DPYD: variants seen among roughly 807,000 people sequenced by gnomAD.
DPYD encodes dihydropyrimidine dehydrogenase.
A neutral mutation model predicts 116.2 loss-of-function variants in DPYD; 109 were observed. The ratio of observed to expected loss-of-function variants is 0.94; its 90% confidence interval spans 0.80 to 1.10. DPYD has a LOEUF of 1.10. Among genes scored for constraint, DPYD ranks in the 50% least tolerant of loss-of-function variants. The probability of loss-of-function intolerance (pLI) is 0.00; values close to 1 mark genes in which losing one functional copy is unlikely to be tolerated. For synonymous variants in DPYD, 440 were observed against 432.0 expected (o/e 1.02, Z -0.23); for missense variants, 1,302 against 1,254.5 (o/e 1.04, Z -0.57).
chr1:97,875,152 T>C (rs1011478090), intron 2 of DPYD, among the ~76,000 whole-genome samples: 2 of 151,956 alleles, frequency 1.3e-5, no homozygotes, highest in Middle Eastern at 3.2e-3. Flanking sequence ...GATAATAGCA[T>C]TTTTAGTGTC....
At chr1:97,811,847 T>C (rs1157838609) in intron 3 of DPYD, among the ~76,000 whole-genome samples, 6 of 151,730 alleles carry the variant, frequency 4.0e-5, no homozygotes, top group East Asian at 2.0e-4. Flanking sequence ...TAATTATCAA[T>C]CACAGATAAA....
chr1:97,669,471 C>T (rs972781123), intron 8 of DPYD, among the ~76,000 whole-genome samples: 2 of 152,064 alleles, frequency 1.3e-5, no homozygotes, highest in African/African-American at 4.8e-5. Flanking sequence ...CTGTTTTGGA[C>T]ACCTCTTAAG....
intron 13 of DPYD, among the ~76,000 whole-genome samples, chr1:97,458,300 T>C (rs1046741475): frequency 6.6e-6 from 1 of 152,158 alleles, no homozygotes; most frequent in African/African-American, 2.4e-5. Context: ...TAAAGGAGTA[T>C]CTAAAAGAGT....
chr1:97,751,460 G>GTATGTGTATATATATATATATATATATA (rs1553233232), intron 3 of DPYD, among the ~76,000 whole-genome samples: 1 of 21,274 alleles, frequency 4.7e-5, no homozygotes, highest in Non-Finnish European at 8.1e-5. Flanking sequence ...GTGTGTGTGT[G>GTATGTGTATATATATATATATATATATA]TATATATATA....
intron 2 of DPYD, among the ~76,000 whole-genome samples, chr1:97,848,021 G>A (rs1670389165): frequency 6.6e-6 from 1 of 152,152 alleles, no homozygotes; most frequent in Non-Finnish European, 1.5e-5. Flanking sequence ...AAACTAAGGT[G>A]AAAATATAGC....
At chr1:97,885,875 T>C (rs1365096655) in intron 1 of DPYD, among the ~76,000 whole-genome samples, 1 of 152,078 alleles carries the variant, frequency 6.6e-6, no homozygotes, top group Non-Finnish European at 1.5e-5. Flanking sequence ...GTTTAAATAA[T>C]ATCAATTTGC....
intron 14 of DPYD, among the ~76,000 whole-genome samples, chr1:97,435,380 C>T (rs1264377278): frequency 6.6e-6 from 1 of 151,766 alleles, no homozygotes; most frequent in Non-Finnish European, 1.5e-5. Context: ...AAGACATATC[C>T]CACATAGTAA....
intron 11 of DPYD, among the ~76,000 whole-genome samples, chr1:97,567,144 G>C (rs945186549): frequency 3.9e-5 from 6 of 152,070 alleles, no homozygotes; most frequent in African/African-American, 1.4e-4. Flanking sequence ...CTAGTTCTGA[G>C]TTAGGCCAGA....
chr1:97,592,286 G>C (rs1654576223), intron 10 of DPYD, among the ~76,000 whole-genome samples: 1 of 152,146 alleles, frequency 6.6e-6, no homozygotes, highest in Non-Finnish European at 1.5e-5. Flanking sequence ...TTTGAGAAGT[G>C]TGTAGTACAT....
At chr1:97,161,840 C>T (rs11165795) in intron 20 of DPYD, among the ~76,000 whole-genome samples, 26,523 of 149,360 alleles carry the variant, frequency 0.18, 2,385 homozygotes, top group East Asian at 0.29. Context: ...TTTGTCCTTG[C>T]GATAGTTTAC....
intron 3 of DPYD, among the ~76,000 whole-genome samples, chr1:97,781,041 G>A (rs1192445388): frequency 6.6e-6 from 1 of 152,022 alleles, no homozygotes; most frequent in Non-Finnish European, 1.5e-5. Flanking sequence ...ACAGTTAATG[G>A]GGCAATCTGC....
intron 8 of DPYD, among the ~76,000 whole-genome samples, chr1:97,606,366 C>T (rs1016653048): frequency 1.3e-5 from 2 of 151,908 alleles, no homozygotes; most frequent in African/African-American, 4.8e-5. Flanking sequence ...TAGAATAGAG[C>T]AAGACACCTG....
At chr1:97,450,572 TTCTG>T (rs1341095903) in intron 13 of DPYD, among the ~76,000 whole-genome samples, 2 of 151,912 alleles carry the variant, frequency 1.3e-5, no homozygotes, top group Non-Finnish European at 2.9e-5. Flanking sequence ...AGTTTATCAT[TTCTG>T]TCTATTTAAT....
At chr1:97,543,594 T>C (rs547321886) in intron 12 of DPYD, among the ~76,000 whole-genome samples, 17 of 152,272 alleles carry the variant, frequency 1.1e-4, no homozygotes, top group African/African-American at 4.1e-4. Flanking sequence ...TAAGACAAAA[T>C]GTCATAAGCC....
chr1:97,332,887 T>C (rs1224358397), intron 16 of DPYD, among the ~76,000 whole-genome samples: 3 of 152,166 alleles, frequency 2.0e-5, no homozygotes, highest in African/African-American at 7.2e-5. Flanking sequence ...TGTAAGAAAC[T>C]TGAATCATGC....
intron 8 of DPYD, among the ~76,000 whole-genome samples, chr1:97,656,063 A>G (rs1402300550): frequency 1.3e-5 from 2 of 152,184 alleles, no homozygotes; most frequent in Non-Finnish European, 2.9e-5. Context: ...ATTTTGTCAT[A>G]TTTCCATTTT....
At chr1:97,414,192 T>G (rs1674165085) in intron 14 of DPYD, among the ~76,000 whole-genome samples, 1 of 152,178 alleles carries the variant, frequency 6.6e-6, no homozygotes, top group African/African-American at 2.4e-5. Context: ...GACATACCAA[T>G]ATACACATTT....
chr1:97,842,727 C>T (rs765672106), intron 2 of DPYD, among the ~76,000 whole-genome samples: 1 of 151,966 alleles, frequency 6.6e-6, no homozygotes, highest in Non-Finnish European at 1.5e-5. Context: ...CTGGAAGGGG[C>T]TTTAAGAATG....
At chr1:97,096,845 C>T (rs113917825) in intron 21 of DPYD, among the ~76,000 whole-genome samples, 10 of 152,234 alleles carry the variant, frequency 6.6e-5, no homozygotes, top group South Asian at 2.1e-4. Flanking sequence ...TTTGTTCTTT[C>T]GCTCTTCGGA....
Sources: gnomAD v4.1 joint callset for allele counts (sites outside exome capture counted in the v4.1 genomes callset) on GRCh38, gnomAD v4.1.1 for gene constraint, MANE v1.5 for transcripts, NCBI Gene and HGNC (gene_info 2026-07-23, HGNC 2026-07-21) for gene names.